The following GPC5 variants were observed in gnomAD, a reference collection of about 807,000 sequenced individuals.
GPC5 encodes the protein glypican 5.
GPC5 carries 47 observed loss-of-function variants against 53.9 expected under a neutral mutation model. The ratio of observed to expected loss-of-function variants is 0.87; its 90% CI spans 0.69 to 1.11. The LOEUF (loss-of-function observed/expected upper bound fraction) is 1.11. Ranked by LOEUF, GPC5 falls within the 50% of genes most tolerant of loss-of-function variation. GPC5 has a pLI of 0.00. For synonymous variants in GPC5, 286 were observed against 263.3 expected (o/e 1.09, Z -0.84); for missense variants, 748 against 713.1 (o/e 1.05, Z -0.56).
intron 7 of GPC5, among the ~76,000 whole-genome samples, chr13:92,441,123 G>A (rs1472646803): frequency 6.6e-6 from 1 of 152,272 alleles, no homozygotes; most frequent in Admixed American, 6.5e-5. Flanking sequence ...CCCGGCTGGG[G>A]TGCAGTGGCA....
intron 6 of GPC5, among the ~76,000 whole-genome samples, chr13:92,107,326 A>G (rs1180589160): frequency 6.6e-6 from 1 of 151,904 alleles, no homozygotes; most frequent in African/African-American, 2.4e-5. Context: ...TCAAATTGGC[A>G]GTATACCTGG....
At chr13:91,876,395 A>G (rs1319526395) in intron 5 of GPC5, among the ~76,000 whole-genome samples, 2 of 152,188 alleles carry the variant, frequency 1.3e-5, no homozygotes, top group Admixed American at 1.3e-4. Context: ...TTTGCCCAAA[A>G]TGCTGGTAGC....
chr13:91,874,326 T>C (rs2039179550), intron 5 of GPC5, among the ~76,000 whole-genome samples: 1 of 152,194 alleles, frequency 6.6e-6, no homozygotes, highest in South Asian at 2.1e-4. Flanking sequence ...GTTGAGGTAC[T>C]ATTATATTAA....
intron 2 of GPC5, among the ~76,000 whole-genome samples, chr13:91,510,521 T>C (rs1463787256): frequency 6.6e-6 from 1 of 152,216 alleles, no homozygotes; most frequent in East Asian, 1.9e-4. Context: ...ATAATTTCTG[T>C]CCATATTTTC....
Position 92,515,759 on chromosome 13 carries a change from G to T in GPC5, c.1562-350523G>T, listed in dbSNP as rs143562965. ...GACACAGGCCTTAAGACAATTATTGGTTTTTTGTGTTCAATATTGAGGAAA... is the reference window on the plus strand; with the variant it reads ...GACACAGGCCTTAAGACAATTATTGTTTTTTTGTGTTCAATATTGAGGAAA... On this transcript the variant is annotated intron_variant, in intron 7 of 7. Transcript: ENST00000377067. 2.5e-3 allele frequency among the ~76,000 whole-genome samples: 376 copies of T among 152,166 alleles called. 2 individuals carry two copies. The highest frequency in any genetic ancestry group is 8.2e-3 in the African/African-American group (342 of 41,522).
At chr13:92,242,932 A>G (rs1231248266) in intron 7 of GPC5, among the ~76,000 whole-genome samples, 1 of 152,202 alleles carries the variant, frequency 6.6e-6, no homozygotes, top group Non-Finnish European at 1.5e-5. Context: ...CATTCTATTC[A>G]ATAATATTCC....
intron 3 of GPC5, among the ~76,000 whole-genome samples, chr13:91,721,137 C>A (rs528908777): frequency 1.1e-5 from 1 of 92,056 alleles, no homozygotes; most frequent in Non-Finnish European, 2.1e-5. Flanking sequence ...TTCTTTCTTT[C>A]TTTTTTTGGG....
At position 91,430,622 on chromosome 13, in the gene GPC5, G is replaced by A. The variant is rs140983413; in HGVS notation, c.164-18139G>A. ...TCAGGATGAAGCAAAATCTGTGGGT[G>A]GAGAGGCGGAGAGGAAGAAGCCTTC... On this transcript the variant is annotated intron_variant, in intron 1 of 7. Coordinates refer to ENST00000377067, the MANE Select transcript of GPC5 (RefSeq NM_004466.6). Among the ~76,000 whole-genome samples, 15 of 152,274 alleles carry A rather than the reference G, an allele frequency of 9.9e-5. 1 individual carries two copies. In the East Asian group the frequency reaches 2.7e-3, roughly 27 times the overall value.
At chr13:91,828,495 A>G (rs1047565096) in intron 5 of GPC5, among the ~76,000 whole-genome samples, 1 of 152,034 alleles carries the variant, frequency 6.6e-6, no homozygotes, top group Non-Finnish European at 1.5e-5. Context: ...GATCATGACT[A>G]TCTCGCAGAT....
intron 7 of GPC5, among the ~76,000 whole-genome samples, chr13:92,854,566 C>A (rs954420252): frequency 4.0e-5 from 6 of 151,638 alleles, no homozygotes; most frequent in African/African-American, 1.5e-4. Flanking sequence ...TAATATTTCA[C>A]CTAAGAATTA....
chr13:91,969,792 T>A (rs942555262), intron 6 of GPC5, among the ~76,000 whole-genome samples: 5 of 151,966 alleles, frequency 3.3e-5, no homozygotes, highest in African/African-American at 4.8e-5. Context: ...ATCAGAAAAA[T>A]TCAGATCAAA....
At position 91,826,802 on chromosome 13, in the gene GPC5, T is replaced by C. The variant is rs574235634; in HGVS notation, c.1280+70382T>C. ...GTTAATAAATGATTTAAAAACACTGTTCAATTGAATGAGTGTTTGTGTGTG... is the reference window on the plus strand; with the variant it reads ...GTTAATAAATGATTTAAAAACACTGCTCAATTGAATGAGTGTTTGTGTGTG... On this transcript the variant is annotated intron_variant, in intron 5 of 7. Transcript: ENST00000377067. Among the ~76,000 whole-genome samples, 109 of 152,182 alleles carry C rather than the reference T, an allele frequency of 7.2e-4. 2 individuals carry two copies. In the South Asian group the frequency reaches 0.021, roughly 29 times the overall value.
intron 7 of GPC5, among the ~76,000 whole-genome samples, chr13:92,182,153 G>A (rs2042151585): frequency 6.6e-6 from 1 of 152,106 alleles, no homozygotes; most frequent in African/African-American, 2.4e-5. Context: ...CAGAGCTAAT[G>A]GTTTCGGATT....
chr13:92,109,412 C>G (rs1441046270), intron 6 of GPC5, among the ~76,000 whole-genome samples: 1 of 152,128 alleles, frequency 6.6e-6, no homozygotes. Context: ...CTCACTGTCT[C>G]ACTGAAACTG....
chr13:92,147,088 C>G (rs2041872764), intron 7 of GPC5, among the ~76,000 whole-genome samples: 1 of 151,824 alleles, frequency 6.6e-6, no homozygotes. Flanking sequence ...GATACTATGT[C>G]ATTATATAAG....
chr13:92,082,094 A>G (rs2041300349), intron 6 of GPC5, among the ~76,000 whole-genome samples: 1 of 152,170 alleles, frequency 6.6e-6, no homozygotes, highest in African/African-American at 2.4e-5. Context: ...TGAAGATAGC[A>G]TCATTTAAGC....
chr13:92,256,463 T>C (rs571020568), intron 7 of GPC5, among the ~76,000 whole-genome samples: 1 of 152,226 alleles, frequency 6.6e-6, no homozygotes, highest in East Asian at 1.9e-4. Flanking sequence ...TCAGAGGTCA[T>C]CCAGAGTTAG....
chr13:92,475,366 CTT>C (rs1282133091), intron 7 of GPC5, among the ~76,000 whole-genome samples: 1 of 146,766 alleles, frequency 6.8e-6, no homozygotes, highest in Non-Finnish European at 1.5e-5. Flanking sequence ...TTTGTATCCT[CTT>C]TTATTTCCTT....
chr13:92,672,114 T>C (rs946170278), intron 7 of GPC5, among the ~76,000 whole-genome samples: 1 of 152,132 alleles, frequency 6.6e-6, no homozygotes, highest in Non-Finnish European at 1.5e-5. Context: ...ACTTCAGTTT[T>C]GTTGGGTATT....
Sources: allele counts gnomAD v4.1 joint callset (sites outside exome capture counted in the v4.1 genomes callset), GRCh38; gene constraint gnomAD v4.1.1; transcripts MANE v1.5; gene names NCBI Gene and HGNC (gene_info 2026-07-23, HGNC 2026-07-21).